Variants in CACNA1E observed in about 807,000 individuals in gnomAD.
CACNA1E encodes the protein calcium voltage-gated channel subunit alpha1 E.
Under a neutral mutation model 259.2 loss-of-function variants are expected in CACNA1E, and 40 were observed. The ratio of observed to expected loss-of-function variants is 0.15; its 90% CI spans 0.12 to 0.20. The LOEUF is 0.20. CACNA1E is among the 10% of genes least tolerant of loss of function. CACNA1E has a pLI of 1.00. For missense variants in CACNA1E, 1,874 were observed against 3,040.1 expected (o/e 0.62, Z 9.02); for synonymous variants, 1,104 against 1,138.5 (o/e 0.97, Z 0.61).
At chr1:181,388,617 G>A (rs982462247) in intron 1 of CACNA1E, among the ~76,000 whole-genome samples, 9 of 152,158 alleles carry the variant, frequency 5.9e-5, no homozygotes, top group Admixed American at 1.3e-4. Context: ...AGCCGGGCAC[G>A]GTGACTCACG....
chr1:181,619,359 A>G lies in CACNA1E; in HGVS notation c.952-31979A>G, dbSNP rs1572396472. The stretch of plus-strand genomic sequence containing the variant: ...AAGAACAGCAAGTGTGAAGGCCCTG[A>G]GGAAGGAGGGTGTCTAGAGAGGTCA... On this transcript the variant is annotated intron_variant, in intron 6 of 47. Transcript: ENST00000367573. Among the ~76,000 whole-genome samples, 4 of 152,270 alleles carry G rather than the reference A, an allele frequency of 2.6e-5. No individual in the cohort carries two copies. In the East Asian group the frequency reaches 7.7e-4, roughly 29 times the overall value.
Position 181,711,031 on chromosome 1 carries a change from G to A in CACNA1E, c.1133G>A (p.Arg378His), listed in dbSNP as rs575157426. 2 of 1,613,920 alleles carry A rather than the reference G, an allele frequency of 1.2e-6. No homozygotes were observed. The highest frequency in any genetic ancestry group is 1.3e-5 in the African/African-American group (1 of 75,068). ...MKLRRQQQIE[R>H]ELNGYRAWID... The stretch of plus-strand genomic sequence containing the variant: ...CTGCGGCGCCAGCAGCAGATTGAGC[G>A]TGAGCTGAATGGCTACCGTGCCTGG... Residue 378 changes from arginine to histidine, a missense_variant, in exon 8 of 48, where the codon CGT becomes CAT. Arg to His is a conservative substitution (Grantham distance 29). Transcript: ENST00000367573.
At chr1:181,632,435 G>T (rs1656837169) in intron 6 of CACNA1E, among the ~76,000 whole-genome samples, 1 of 152,194 alleles carries the variant, frequency 6.6e-6, no homozygotes, top group Admixed American at 6.5e-5. Context: ...GGAGCCTGCT[G>T]CTGGGGATTG....
chr1:181,500,527 T>C (rs1665153828), intron 1 of CACNA1E, among the ~76,000 whole-genome samples: 1 of 152,248 alleles, frequency 6.6e-6, no homozygotes, highest in Admixed American at 6.5e-5. Flanking sequence ...CTTAACAAAA[T>C]AGTCCATTCA....
chr1:181,719,614 A>G, intron 12 of CACNA1E, 137 bp from the exon 13 acceptor site: 1 of 512,610 alleles, frequency 2.0e-6, no homozygotes, highest in Non-Finnish European at 3.5e-6. Context: ...AGTTCTACTG[A>G]AGGTAGGGCT....
intron 7 of CACNA1E, among the ~76,000 whole-genome samples, chr1:181,696,548 G>A (rs1651727819): frequency 1.3e-5 from 2 of 152,148 alleles, no homozygotes; most frequent in South Asian, 2.1e-4. Context: ...GGGAGGAGTC[G>A]TTATTGCAAA....
intron 2 of CACNA1E, among the ~76,000 whole-genome samples, chr1:181,474,089 T>G (rs1287619509): frequency 3.3e-5 from 5 of 152,190 alleles, no homozygotes; most frequent in Non-Finnish European, 2.9e-5. Flanking sequence ...ATGTCCATTT[T>G]TCTTTTTTTT....
intron 7 of CACNA1E, among the ~76,000 whole-genome samples, chr1:181,679,870 G>A (rs192798551): frequency 4.6e-5 from 7 of 152,312 alleles, no homozygotes; most frequent in African/African-American, 7.2e-5. Flanking sequence ...TGTAATTCCA[G>A]TGCTTTGGGA....
chr1:181,685,485 C>G (rs1373931835), intron 7 of CACNA1E, among the ~76,000 whole-genome samples: 2 of 152,074 alleles, frequency 1.3e-5, no homozygotes, highest in Non-Finnish European at 2.9e-5. Flanking sequence ...TCACCTTACC[C>G]CACTGACTTG....
At chr1:181,318,799 C>T (rs1650119061) in intron 1 of CACNA1E, among the ~76,000 whole-genome samples, 1 of 152,110 alleles carries the variant, frequency 6.6e-6, no homozygotes, top group South Asian at 2.1e-4. Context: ...TAGGGTGGGT[C>T]CTTTCCTGGG....
intron 6 of CACNA1E, among the ~76,000 whole-genome samples, chr1:181,620,105 G>C (rs1246309507): frequency 6.6e-6 from 1 of 152,160 alleles, no homozygotes; most frequent in Non-Finnish European, 1.5e-5. Context: ...AGTTTTATTA[G>C]TATATGGCCA....
At chr1:181,389,538 T>C (rs1448556727) in intron 1 of CACNA1E, among the ~76,000 whole-genome samples, 1 of 152,196 alleles carries the variant, frequency 6.6e-6, no homozygotes, top group Non-Finnish European at 1.5e-5. Flanking sequence ...ACCATGACCC[T>C]AAGGAAGCAG....
intron 3 of CACNA1E, among the ~76,000 whole-genome samples, chr1:181,529,435 C>T (rs1322380732): frequency 6.6e-6 from 1 of 152,230 alleles, no homozygotes; most frequent in Non-Finnish European, 1.5e-5. Flanking sequence ...CCTACGGGGG[C>T]ACTGCCTAGT....
At chr1:181,508,842 C>A (rs959203664) in intron 1 of CACNA1E, among the ~76,000 whole-genome samples, 2 of 152,046 alleles carry the variant, frequency 1.3e-5, no homozygotes, top group Admixed American at 6.5e-5. Flanking sequence ...TGGGGAGGCT[C>A]CCCTCTGAGT....
intron 1 of CACNA1E, among the ~76,000 whole-genome samples, chr1:181,324,387 A>C (rs926557971): frequency 1.3e-5 from 2 of 152,226 alleles, no homozygotes; most frequent in Non-Finnish European, 2.9e-5. Context: ...CGAAGATCAG[A>C]ATGATAAAAA....
Position 181,483,856 on chromosome 1 carries a change from G to T in CACNA1E, c.112G>T (p.Ala38Ser). ...TPVPASGQAA[A>S]YKQTKAQRAR... Reference sequence around the variant, plus strand: ...CGTGCCGGCCTCGGGGCAGGCGGCCGCCTACAAGCAGACGAAAGCACAGAG... The same window carrying T: ...CGTGCCGGCCTCGGGGCAGGCGGCCTCCTACAAGCAGACGAAAGCACAGAG... Residue 38 changes from alanine (A) to serine (S), a missense_variant, in exon 1 of 48, where the codon GCC becomes TCC. Around this residue, in one of 14 missense-constraint regions of CACNA1E, gnomAD observed 110 missense variants for 122.8 expected, o/e 0.90. Transcript: ENST00000367573. 6.2e-7 allele frequency: 1 copy of T among 1,613,684 alleles called. No homozygotes were observed. The highest frequency in any genetic ancestry group is 8.5e-7 in the Non-Finnish European group (1 of 1,179,828).
chr1:181,519,487 C>T (rs942744832), intron 3 of CACNA1E, among the ~76,000 whole-genome samples: 5 of 152,124 alleles, frequency 3.3e-5, no homozygotes, highest in African/African-American at 7.2e-5. Flanking sequence ...TAAGAAAGAA[C>T]GTATGAAGAC....
Position 181,468,285 on chromosome 1 carries a change from C to T in CACNA1E, c.435-15459C>T, listed in dbSNP as rs74633480. 7.3e-3 allele frequency among the ~76,000 whole-genome samples: 1,108 copies of T among 152,276 alleles called. 7 individuals carry two copies. The highest frequency in any genetic ancestry group is 0.023 in the African/African-American group (966 of 41,564). ...TGCCTCCACGCATTGGGTCATTGGT[C>T]TTGTCATGTTAGGTTTGCGAGTTGC... On this transcript the variant is annotated intron_variant, in intron 2 of 11. Coordinates refer to the CACNA1E transcript ENST00000524607.
At chr1:181,784,639 T>G in intron 40 of CACNA1E, 22 bp from the exon 41 acceptor site, 1 of 1,479,762 alleles carries the variant, frequency 6.8e-7, no homozygotes. Flanking sequence ...ATTCTATTTA[T>G]TAGTAATTTA....
Sources: allele counts gnomAD v4.1 joint callset (sites outside exome capture counted in the v4.1 genomes callset), GRCh38; gene constraint gnomAD v4.1.1; regional missense constraint gnomAD v4.1.1; transcripts MANE v1.5; gene names NCBI Gene and HGNC (gene_info 2026-07-23, HGNC 2026-07-21).